Variants in DOCK2 observed in about 807,000 individuals in gnomAD.
DOCK2 encodes dedicator of cytokinesis 2, also known as dedicator of cytokinesis protein 2.
DOCK2 carries 87 observed loss-of-function variants against 248.9 expected under a neutral mutation model. That is an observed-to-expected ratio of 0.35 (90% CI 0.29 to 0.42). The LOEUF is 0.42. Among genes scored for constraint, DOCK2 ranks in the 10% least tolerant of loss-of-function variants. The pLI is 1.00. For synonymous variants in DOCK2, 805 were observed against 821.6 expected (o/e 0.98, Z 0.35); for missense variants, 1,747 against 2,300.2 (o/e 0.76, Z 4.92).
At chr5:169,674,615 G>A (rs1272734124) in intron 6 of DOCK2, among the ~76,000 whole-genome samples, 170 bp downstream of exon 6, 1 of 152,192 alleles carries the variant, frequency 6.6e-6, no homozygotes, top group African/African-American at 2.4e-5. Flanking sequence ...ACCCCTGGGG[G>A]ACCTAGGGAC....
At chr5:169,725,095 G>A (rs1324896934) in intron 22 of DOCK2, among the ~76,000 whole-genome samples, 1 of 152,192 alleles carries the variant, frequency 6.6e-6, no homozygotes, top group Non-Finnish European at 1.5e-5. Flanking sequence ...TGAAATGCCT[G>A]TGACATTGAG....
intron 20 of DOCK2, among the ~76,000 whole-genome samples, chr5:169,716,576 T>C (rs1426667228): frequency 6.6e-6 from 1 of 152,242 alleles, no homozygotes; most frequent in African/African-American, 2.4e-5. Flanking sequence ...AGGCTGGATA[T>C]TGTGAATGAT....
Position 170,043,459 on chromosome 5 carries a change from C to T in DOCK2, c.3876+1327C>T, listed in dbSNP as rs373884528. ...TCCTCTGGCTTACCTGCAGCCCTCC[C>T]TCTCCTCTGCAATGCAAGACCTCTT... is the stretch of plus-strand genomic sequence containing the variant. On this transcript the variant is annotated intron_variant, in intron 38 of 51. Transcript: ENST00000520908. Among the ~76,000 whole-genome samples the T allele has an allele frequency of 3.7e-4, 56 of 152,338 alleles. No individual in the cohort carries two copies. The South Asian group carries it at 0.011, about 30-fold the overall frequency.
intron 27 of DOCK2, among the ~76,000 whole-genome samples, chr5:169,905,296 T>TTG (rs1256071853): frequency 1.0e-4 from 15 of 149,816 alleles, no homozygotes; most frequent in African/African-American, 3.7e-4. Flanking sequence ...AGCCAGTGTT[T>TTG]TTTTTTTTTT....
chr5:169,737,402 A>G (rs1763094617), intron 22 of DOCK2, among the ~76,000 whole-genome samples: 1 of 152,132 alleles, frequency 6.6e-6, no homozygotes, highest in African/African-American at 2.4e-5. Context: ...TCTTAGGGAA[A>G]TGGGGAGCTG....
At chr5:170,060,658 A>G (rs1310888604) in intron 44 of DOCK2, among the ~76,000 whole-genome samples, 2 of 152,250 alleles carry the variant, frequency 1.3e-5, no homozygotes, top group Non-Finnish European at 2.9e-5. Flanking sequence ...AGAGGTCATG[A>G]GAGAGCACCT....
intron 6 of DOCK2, among the ~76,000 whole-genome samples, chr5:169,675,022 AC>A (rs1362474481): frequency 6.6e-6 from 1 of 152,228 alleles, no homozygotes; most frequent in South Asian, 2.1e-4. Flanking sequence ...CTCATTGTAC[AC>A]CAGGCTTGGT....
At chr5:169,795,381 G>A (rs112801675) in intron 25 of DOCK2, among the ~76,000 whole-genome samples, 2,009 of 152,226 alleles carry the variant, frequency 0.013, 25 homozygotes, top group Middle Eastern at 0.048. Flanking sequence ...TTTGGTCCCC[G>A]AGGGGTTCAT....
chr5:169,900,584 C>T (rs183876865), intron 27 of DOCK2, among the ~76,000 whole-genome samples: 24 of 152,308 alleles, frequency 1.6e-4, no homozygotes, highest in African/African-American at 5.8e-4. Flanking sequence ...TGTCGAGTCT[C>T]TCTCCTTTGG....
chr5:169,802,900 T>G (rs368588067), intron 25 of DOCK2, among the ~76,000 whole-genome samples, 158 bp from the exon 26 acceptor site: 3 of 152,334 alleles, frequency 2.0e-5, no homozygotes, highest in African/African-American at 7.2e-5. Context: ...GTGAATGATG[T>G]TCTCAGGAAA....
At chr5:170,063,159 G>T (rs899571745) in intron 44 of DOCK2, among the ~76,000 whole-genome samples, 3 of 152,154 alleles carry the variant, frequency 2.0e-5, no homozygotes, top group Admixed American at 1.3e-4. Context: ...TTTTATACAG[G>T]CATGAAAGCA....
intron 33 of DOCK2, among the ~76,000 whole-genome samples, chr5:170,021,372 G>A (rs1167933237): frequency 6.6e-6 from 1 of 152,150 alleles, no homozygotes; most frequent in African/African-American, 2.4e-5. Flanking sequence ...AGGCCAGCGG[G>A]TGCCTTAGAA....
In DOCK2 at chr5:170,039,059, A is replaced by G. The variant is rs574119992; in HGVS notation, c.3666-1996A>G. Among the ~76,000 whole-genome samples, 137 of 152,372 alleles carry G rather than the reference A, an allele frequency of 9.0e-4. 1 individual carries two copies. The highest frequency in any genetic ancestry group is 3.2e-3 in the African/African-American group (132 of 41,596). On this transcript the variant is annotated intron_variant, in intron 36 of 51. Transcript: ENST00000520908. ...GTGGAAAGGCTGTGTCTGTGAAAGCAGAAATCACTAAGCTTGAAATCTGCT... is the reference window on the plus strand; with the variant it reads ...GTGGAAAGGCTGTGTCTGTGAAAGCGGAAATCACTAAGCTTGAAATCTGCT...
In DOCK2 at chr5:169,719,662, A is replaced by T. The variant is rs188247917; in HGVS notation, c.2267+871A>T. On this transcript the variant is annotated intron_variant, in intron 22 of 51. Coordinates refer to ENST00000520908, the MANE Select transcript of DOCK2 (RefSeq NM_004946.3). ...CTGCTTTCTTTTTGTTGATTGTCTT[A>T]TAAGGCAAGTTTTCCGACGCAGAGG... Among the ~76,000 whole-genome samples, 20 of 152,302 alleles carry T rather than the reference A, an allele frequency of 1.3e-4. No individual in the cohort carries two copies. The East Asian group carries it at 3.9e-3, about 29-fold the overall frequency.
chr5:169,920,172 TCAAACC>T (rs1775095134), intron 27 of DOCK2, among the ~76,000 whole-genome samples: 1 of 152,116 alleles, frequency 6.6e-6, no homozygotes, highest in African/African-American at 2.4e-5. Flanking sequence ...AGAGCTAGGT[TCAAACC>T]CAGGCAGTCC....
chr5:169,778,541 T>C (rs1404813364), intron 25 of DOCK2, among the ~76,000 whole-genome samples: 1 of 152,204 alleles, frequency 6.6e-6, no homozygotes, highest in African/African-American at 2.4e-5. Context: ...TGGGGGCAGC[T>C]CCTGCTACCT....
chr5:169,978,375 ATG>A (rs70979152), intron 27 of DOCK2, among the ~76,000 whole-genome samples: 806 of 25,678 alleles, frequency 0.031, 71 homozygotes, highest in East Asian at 0.036. Flanking sequence ...GGCTCTGTGT[ATG>A]TGTGTGTGTG....
intron 27 of DOCK2, among the ~76,000 whole-genome samples, chr5:169,904,550 G>T (rs2113595768): frequency 6.6e-6 from 1 of 152,156 alleles, no homozygotes; most frequent in East Asian, 1.9e-4. Context: ...GAGAGCTCAG[G>T]CCTTTAGAGT....
intron 27 of DOCK2, chr5:169,864,582 G>A (rs1240984834): frequency 2.7e-6 from 2 of 754,282 alleles, no homozygotes; most frequent in African/African-American, 1.8e-5. Context: ...AGATCCTTAG[G>A]TACCTACTGG....
Sources: allele counts gnomAD v4.1 joint callset (sites outside exome capture counted in the v4.1 genomes callset), GRCh38; gene constraint gnomAD v4.1.1; transcripts MANE v1.5; gene names NCBI Gene and HGNC (gene_info 2026-07-23, HGNC 2026-07-21).